The following FNDC3B variants were observed in gnomAD, a reference collection of about 807,000 sequenced individuals.
The protein encoded by FNDC3B is fibronectin type III domain-containing protein 3B.
In FNDC3B, 12 loss-of-function variants were observed where a neutral mutation model predicts 151.5. The observed-to-expected ratio is 0.08, with a 90% CI of 0.05 to 0.13. FNDC3B has a LOEUF of 0.13. Among genes scored for constraint, FNDC3B ranks in the 10% least tolerant of loss-of-function variants. The probability of loss-of-function intolerance (pLI) is 1.00; values close to 1 mark genes in which losing one functional copy is unlikely to be tolerated. For synonymous variants in FNDC3B, 528 were observed against 549.0 expected, an observed-to-expected ratio of 0.96 and a Z score of 0.54; for missense variants, 1,214 against 1,505.3, an observed-to-expected ratio of 0.81 and a Z score of 3.20.
At chr3:172,189,880 A>T (rs1415400938) in intron 3 of FNDC3B, among the ~76,000 whole-genome samples, 1 of 150,158 alleles carries the variant, frequency 6.7e-6, no homozygotes, top group African/African-American at 2.4e-5. Context: ...CTGAGGAGAT[A>T]GGGAACCAGT....
At chr3:172,382,280 G>A (rs1314923745) in intron 25 of FNDC3B, among the ~76,000 whole-genome samples, 1 of 152,178 alleles carries the variant, frequency 6.6e-6, no homozygotes, top group African/African-American at 2.4e-5. Context: ...CTTTTGAGAA[G>A]TGTCTGTTCA....
chr3:172,328,902 G>A (rs751623522), intron 11 of FNDC3B, 50 bp from the exon 12 acceptor site: 1 of 1,279,300 alleles, frequency 7.8e-7, no homozygotes, highest in South Asian at 1.5e-5. Context: ...AGGGTTATCT[G>A]TTGTTTTTTT....
chr3:172,139,176 C>CT (rs530721368), intron 3 of FNDC3B, among the ~76,000 whole-genome samples: 32 of 151,756 alleles, frequency 2.1e-4, no homozygotes, highest in Non-Finnish European at 3.2e-4. Context: ...CTTAACGTTG[C>CT]TTTTTTTTCC....
intron 25 of FNDC3B, among the ~76,000 whole-genome samples, chr3:172,384,441 G>A (rs1036391152): frequency 4.6e-5 from 7 of 152,156 alleles, no homozygotes; most frequent in Admixed American, 2.0e-4. Context: ...CTCAAATAGA[G>A]AGCAGAGAAT....
At chr3:172,294,725 A>C (rs906143772) in intron 7 of FNDC3B, among the ~76,000 whole-genome samples, 7 of 152,240 alleles carry the variant, frequency 4.6e-5, no homozygotes, top group Non-Finnish European at 8.8e-5. Context: ...TAGATTTTGT[A>C]AAACATGCCT....
At chr3:172,207,261 G>A (rs1225731119) in intron 3 of FNDC3B, among the ~76,000 whole-genome samples, 1 of 151,894 alleles carries the variant, frequency 6.6e-6, no homozygotes, top group Non-Finnish European at 1.5e-5. Flanking sequence ...ACTTCTGTTG[G>A]GTATTACTTT....
At chr3:172,186,127 A>G (rs1211004193) in intron 3 of FNDC3B, among the ~76,000 whole-genome samples, 1 of 152,242 alleles carries the variant, frequency 6.6e-6, no homozygotes, top group Non-Finnish European at 1.5e-5. Flanking sequence ...TTTATGAATT[A>G]AGCATTCTTA....
At position 172,040,838 on chromosome 3, in the gene FNDC3B, C is replaced by G. The variant is rs1188229786; in HGVS notation, c.-29+1067C>G. Among the ~76,000 whole-genome samples, 1 of 152,044 alleles carries G rather than the reference C, an allele frequency of 6.6e-6. No individual in the cohort carries two copies. The highest frequency in any genetic ancestry group is 1.5e-5 in the Non-Finnish European group (1 of 67,962). ...CCCAGAGGTCCGGGTCCCGGCGTCC[C>G]GTGGGAACCGGAGGACCCGGGCCCG... On this transcript the variant is annotated intron_variant, in intron 1 of 25. Transcript: ENST00000415807. This position sits in a 1 kb window ranked among gnomAD's most constrained non-coding sequence, Gnocchi z 6.6.
rs112963995 is a variant in FNDC3B, at chr3:172,312,925, T to C, written c.1254+2044T>C. Among the ~76,000 whole-genome samples the C allele has an allele frequency of 3.6e-4, 55 of 152,292 alleles. 1 individual carries two copies. In the East Asian group the frequency reaches 9.3e-3, roughly 26 times the overall value. ...CTCTGCTGAAACAGGACAGGCCACG[T>C]CTGATGACTTTTTATGTTCAGCATG... On this transcript the variant is annotated intron_variant, in intron 11 of 25. Coordinates refer to ENST00000415807, the MANE Select transcript of FNDC3B (RefSeq NM_022763.4).
intron 1 of FNDC3B, among the ~76,000 whole-genome samples, chr3:172,071,590 T>C (rs1717773860): frequency 6.6e-6 from 1 of 152,204 alleles, no homozygotes; most frequent in Non-Finnish European, 1.5e-5. Flanking sequence ...TTTTTTTTTA[T>C]TCTCTGTGAA....
intron 22 of FNDC3B, among the ~76,000 whole-genome samples, chr3:172,355,521 G>C (rs115650395): frequency 1.3e-5 from 2 of 152,154 alleles, no homozygotes; most frequent in East Asian, 1.9e-4. Context: ...AATCTAGGGG[G>C]GGGGCCTAGC....
At chr3:172,059,345 T>A (rs1717072092) in intron 1 of FNDC3B, among the ~76,000 whole-genome samples, 1 of 152,110 alleles carries the variant, frequency 6.6e-6, no homozygotes, top group East Asian at 1.9e-4. Context: ...TCCCAGTGGG[T>A]TTTTGGATAA....
chr3:172,180,711 T>A (rs1299626340), intron 3 of FNDC3B, among the ~76,000 whole-genome samples: 1 of 152,132 alleles, frequency 6.6e-6, no homozygotes, highest in Non-Finnish European at 1.5e-5. Flanking sequence ...AGTACAGAAA[T>A]GGGCAGACAG....
chr3:172,044,562 T>C (rs909931271), intron 1 of FNDC3B, among the ~76,000 whole-genome samples: 1 of 152,184 alleles, frequency 6.6e-6, no homozygotes, highest in Non-Finnish European at 1.5e-5. Context: ...TCTTTGAAAA[T>C]CGTTAATTCA....
chr3:172,170,233 T>C (rs1399344254), intron 3 of FNDC3B, among the ~76,000 whole-genome samples: 1 of 152,256 alleles, frequency 6.6e-6, no homozygotes, highest in Non-Finnish European at 1.5e-5. Flanking sequence ...GAACTGGCAG[T>C]ATCTCCTCTG....
intron 14 of FNDC3B, among the ~76,000 whole-genome samples, chr3:172,334,626 G>T (rs1450656957): frequency 6.6e-6 from 1 of 152,122 alleles, no homozygotes; most frequent in Admixed American, 6.5e-5. Flanking sequence ...ACTTTTAGTA[G>T]AGATGGGGTT....
chr3:172,333,488 ATTTTTTTTTTTTTT>A (rs748224819), intron 14 of FNDC3B, among the ~76,000 whole-genome samples: 5 of 102,834 alleles, frequency 4.9e-5, no homozygotes, highest in African/African-American at 2.1e-4. Flanking sequence ...TGCCCGGCTA[ATTTTTTTTTTTTTT>A]TTTTTTTTTT....
At chr3:172,357,362 A>T (rs1734146353) in intron 22 of FNDC3B, among the ~76,000 whole-genome samples, 1 of 151,714 alleles carries the variant, frequency 6.6e-6, no homozygotes, top group Admixed American at 6.5e-5. Flanking sequence ...ATGCAAATTA[A>T]ACAAAACAAA....
intron 4 of FNDC3B, among the ~76,000 whole-genome samples, chr3:172,229,061 T>C (rs1194676795): frequency 6.7e-6 from 1 of 149,442 alleles, no homozygotes; most frequent in East Asian, 2.0e-4. Context: ...TACATTGTTG[T>C]CATGCAGTTG....
Sources: allele counts gnomAD v4.1 joint callset (sites outside exome capture counted in the v4.1 genomes callset), GRCh38; gene constraint gnomAD v4.1.1; non-coding constraint Gnocchi (gnomAD v3.1); transcripts MANE v1.5; gene names NCBI Gene and HGNC (gene_info 2026-07-23, HGNC 2026-07-21).